ZNF385D: variants seen among roughly 807,000 people sequenced by gnomAD.
ZNF385D encodes the protein zinc finger protein 385D, also known as zinc finger protein 659.
Under a neutral mutation model 35.8 loss-of-function variants are expected in ZNF385D, and 15 were observed. That is an observed-to-expected ratio of 0.42 (90% confidence interval 0.28 to 0.64). The LOEUF is 0.64. Ranked by LOEUF, ZNF385D falls within the 30% of genes least tolerant of loss-of-function variation. ZNF385D has a pLI of 0.23. For synonymous variants in ZNF385D, 212 were observed against 186.8 expected, an observed-to-expected ratio of 1.13 and a Z score of -1.10; for missense variants, 474 against 494.6, an observed-to-expected ratio of 0.96 and a Z score of 0.39.
chr3:22,203,597 C>G (rs1027528057), intron 2 of ZNF385D, among the ~76,000 whole-genome samples: 1 of 152,042 alleles, frequency 6.6e-6, no homozygotes, highest in African/African-American at 2.4e-5. Flanking sequence ...CATTTGTGGA[C>G]CCATCATGGG....
In ZNF385D at chr3:21,570,795, T is replaced by C. The variant is rs545252774; in HGVS notation, c.166-6111A>G. ...GTCTCTCAGGCACCATAATCAAGCT[T>C]TGTAATATTCATCATATTCAACTAT... On this transcript the variant is annotated intron_variant, in intron 2 of 7. Transcript: ENST00000281523. 4.6e-5 allele frequency among the ~76,000 whole-genome samples: 7 copies of C among 152,274 alleles called. No homozygotes were observed. In the East Asian group the frequency reaches 9.7e-4, roughly 21 times the overall value.
intron 2 of ZNF385D, among the ~76,000 whole-genome samples, chr3:22,291,072 A>T (rs77436263): frequency 4.6e-4 from 70 of 152,250 alleles, no homozygotes; most frequent in African/African-American, 1.6e-3. Context: ...CTCCATCTAA[A>T]ATACCATCCC....
chr3:21,919,105 C>A (rs1030858103), intron 3 of ZNF385D, among the ~76,000 whole-genome samples: 1 of 152,112 alleles, frequency 6.6e-6, no homozygotes, highest in African/African-American at 2.4e-5. Flanking sequence ...TTGTATCTTT[C>A]TCTGATAGTG....
At chr3:21,787,635 T>C (rs1351910746) in intron 3 of ZNF385D, among the ~76,000 whole-genome samples, 1 of 151,934 alleles carries the variant, frequency 6.6e-6, no homozygotes. Context: ...CACCCTGCAA[T>C]GAAAATCACC....
Position 22,260,665 on chromosome 3 carries a change from T to A in ZNF385D, c.107-91630A>T, listed in dbSNP as rs184368795. Among the ~76,000 whole-genome samples, 411 of 152,058 alleles carry A rather than the reference T, an allele frequency of 2.7e-3. 1 individual carries two copies. The Middle Eastern group carries it at 0.027, about 10-fold the overall frequency. ...GTTTTACAAGTAAAATGGACATAAA[T>A]CTGCCCATTCTCAAAGAGGGATCCT... On this transcript the variant is annotated intron_variant, in intron 2 of 5. Transcript: ENST00000494108.
intron 3 of ZNF385D, among the ~76,000 whole-genome samples, chr3:22,027,553 G>A (rs574183475): frequency 1.2e-4 from 18 of 152,230 alleles, no homozygotes; most frequent in African/African-American, 4.3e-4. Context: ...GACAGCTCTT[G>A]GCCTGTTACT....
intron 3 of ZNF385D, among the ~76,000 whole-genome samples, chr3:21,922,700 G>C (rs947415395): frequency 6.6e-6 from 1 of 152,010 alleles, no homozygotes; most frequent in African/African-American, 2.4e-5. Context: ...AGAAAACCTA[G>C]GAAACACCAT....
At chr3:21,764,540 G>A (rs1383880400) in intron 3 of ZNF385D, among the ~76,000 whole-genome samples, 1 of 152,166 alleles carries the variant, frequency 6.6e-6, no homozygotes, top group African/African-American at 2.4e-5. Context: ...GCCAGCCAAT[G>A]AAACATAGCA....
At chr3:22,041,099 C>G (rs1048660718) in intron 3 of ZNF385D, among the ~76,000 whole-genome samples, 5 of 152,100 alleles carry the variant, frequency 3.3e-5, no homozygotes, top group East Asian at 1.9e-4. Context: ...TTCTCCCGCT[C>G]TGTCACTCTC....
At chr3:21,910,437 C>A (rs1371983779) in intron 3 of ZNF385D, among the ~76,000 whole-genome samples, 2 of 151,894 alleles carry the variant, frequency 1.3e-5, no homozygotes, top group Non-Finnish European at 1.5e-5. Context: ...TTACCTTAAA[C>A]CATTTGAAAT....
intron 4 of ZNF385D, among the ~76,000 whole-genome samples, chr3:21,464,445 CT>C (rs1254908495): frequency 6.6e-6 from 1 of 151,996 alleles, no homozygotes; most frequent in Non-Finnish European, 1.5e-5. Flanking sequence ...GTCTGTCTTC[CT>C]TTTTTTCCTC....
At chr3:22,160,214 T>C (rs979673470) in intron 3 of ZNF385D, among the ~76,000 whole-genome samples, 2 of 152,080 alleles carry the variant, frequency 1.3e-5, no homozygotes, top group African/African-American at 4.8e-5. Context: ...TGTATAGCAG[T>C]ATGAAAATGG....
chr3:21,732,394 G>A (rs557756059), intron 1 of ZNF385D, among the ~76,000 whole-genome samples: 22 of 151,978 alleles, frequency 1.4e-4, no homozygotes, highest in African/African-American at 5.3e-4. Flanking sequence ...AGTTTCTTCA[G>A]GGTAAATACC....
At chr3:22,177,057 G>C (rs1042010796) in intron 2 of ZNF385D, among the ~76,000 whole-genome samples, 3 of 152,004 alleles carry the variant, frequency 2.0e-5, no homozygotes, top group Non-Finnish European at 4.4e-5. Flanking sequence ...TCCTATTTTA[G>C]GGATATCTTC....
chr3:22,311,737 C>A (rs1213837216), intron 2 of ZNF385D, among the ~76,000 whole-genome samples: 1 of 152,018 alleles, frequency 6.6e-6, no homozygotes, highest in Non-Finnish European at 1.5e-5. Context: ...ATGCTTTGCT[C>A]TCCTATTACG....
chr3:22,102,328 T>A (rs968640317), intron 3 of ZNF385D, among the ~76,000 whole-genome samples: 1 of 152,062 alleles, frequency 6.6e-6, no homozygotes, highest in Non-Finnish European at 1.5e-5. Context: ...TTTATTCCCA[T>A]TTGAAATGTG....
At position 22,167,579 on chromosome 3, in the gene ZNF385D, C is replaced by G. The variant is rs532065140; in HGVS notation, c.325+1238G>C. ...GAGAAGGCTGTAACATTGTGGCCCT[C>G]TGCCCTCTAATAAGCAGAGGGCAGC... On this transcript the variant is annotated intron_variant, in intron 3 of 5. Coordinates refer to the ZNF385D transcript ENST00000494108. 5.3e-5 allele frequency among the ~76,000 whole-genome samples: 8 copies of G among 152,322 alleles called. No homozygotes were observed. In the South Asian group the frequency reaches 1.7e-3, roughly 32 times the overall value.
chr3:21,694,234 G>A (rs569624469), intron 1 of ZNF385D, among the ~76,000 whole-genome samples: 6 of 151,826 alleles, frequency 4.0e-5, no homozygotes, highest in East Asian at 1.9e-4. Context: ...CAGTGGAGAC[G>A]GGGTTTCACC....
At chr3:22,345,313 C>CA (rs1251665483) in intron 2 of ZNF385D, among the ~76,000 whole-genome samples, 1 of 152,102 alleles carries the variant, frequency 6.6e-6, no homozygotes. Flanking sequence ...TTACCATACT[C>CA]AATATCTTTG....
Sources: gnomAD v4.1 joint callset for allele counts (sites outside exome capture counted in the v4.1 genomes callset) on GRCh38, gnomAD v4.1.1 for gene constraint, MANE v1.5 for transcripts, NCBI Gene and HGNC (gene_info 2026-07-23, HGNC 2026-07-21) for gene names.